C9: variants seen among roughly 807,000 people sequenced by gnomAD.
C9 encodes complement C9, also known as complement component C9.
A neutral mutation model predicts 65.4 loss-of-function variants in C9; 63 were observed. The ratio of observed to expected loss-of-function variants is 0.96; its 90% CI spans 0.79 to 1.19. The LOEUF (loss-of-function observed/expected upper bound fraction) is 1.19. C9 is among the 50% of genes most tolerant of loss of function. The probability of loss-of-function intolerance (pLI) is 0.00; values close to 1 mark genes in which losing one functional copy is unlikely to be tolerated. For missense variants in C9, 744 were observed against 670.1 expected, an observed-to-expected ratio of 1.11 and a Z score of -1.22; for synonymous variants, 229 against 227.9, an observed-to-expected ratio of 1.00 and a Z score of -0.04.
At chr5:39,345,414 A>G (rs6897266) in intron 1 of C9, among the ~76,000 whole-genome samples, 6,585 of 152,254 alleles carry the variant, frequency 0.043, 468 homozygotes, top group African/African-American at 0.15. Flanking sequence ...AAAAGATCAA[A>G]AGAGACAAAG....
intron 9 of C9, among the ~76,000 whole-genome samples, chr5:39,294,121 A>G (rs1753144772): frequency 6.6e-6 from 1 of 151,880 alleles, no homozygotes; most frequent in Admixed American, 6.6e-5. Context: ...ATTTTCAAAT[A>G]AACATCTTAA....
Position 39,341,593 on chromosome 5 carries a change from A to T in C9, c.291T>A (p.Ala97=). The stretch of plus-strand genomic sequence containing the variant: ...GAAAGTCATTTCCGCAGTCATCCTC[A>T]GCATCCTCACAGGGCTCTGTGGGCA... ...QCVPTEPCED[A]EDDCGNDFQC... The change falls in exon 3 of 11, where the codon GCT becomes GCA. Residue 97 remains alanine (A), a synonymous_variant. Coordinates refer to ENST00000263408, the MANE Select transcript of C9 (RefSeq NM_001737.5). 6.2e-7 allele frequency: 1 copy of T among 1,614,100 alleles called. No homozygotes were observed. The highest frequency in any genetic ancestry group is 8.5e-7 in the Non-Finnish European group (1 of 1,179,936).
intron 5 of C9, among the ~76,000 whole-genome samples, chr5:39,323,073 A>T (rs80331900): frequency 0.052 from 7,972 of 152,116 alleles, 255 homozygotes; most frequent in Middle Eastern, 0.082. Flanking sequence ...CCTGGAAGAG[A>T]TGGATACATT....
chr5:39,296,215 T>C (rs894406481), intron 9 of C9, among the ~76,000 whole-genome samples: 3 of 151,232 alleles, frequency 2.0e-5, no homozygotes, highest in African/African-American at 7.3e-5. Context: ...GTACAGCAAA[T>C]AAAACAATCA....
chr5:39,290,287 C>A (rs1753064650), intron 9 of C9, among the ~76,000 whole-genome samples: 1 of 151,714 alleles, frequency 6.6e-6, no homozygotes, highest in African/African-American at 2.4e-5. Context: ...ATAACATATA[C>A]AGGGAAATTT....
intron 1 of C9, among the ~76,000 whole-genome samples, chr5:39,346,721 AAG>A (rs1020041112): frequency 2.2e-4 from 33 of 152,364 alleles, no homozygotes; most frequent in African/African-American, 7.5e-4. Context: ...ACAACAAAAA[AAG>A]AGAATTTTAG....
At position 39,306,616 on chromosome 5, in the gene C9, CT is replaced by C. The variant is rs1753381793; in HGVS notation, c.1416del (p.Lys472AsnfsTer11). 1.2e-6 allele frequency: 2 copies of C among 1,610,708 alleles called. No individual in the cohort carries two copies. The highest frequency in any genetic ancestry group is 1.7e-6 in the Non-Finnish European group (2 of 1,177,034). ...INDAPVLISQ[K>X]LSPIYNLVPV... ...TGTTTGAAAATAAACACGTTTCTTA[CT>C]TTTTGACTAATGAGAACAGGAGCAT... On this transcript the variant is annotated frameshift_variant and splice_region_variant, in exon 9 of 11. Transcript: ENST00000263408. LOFTEE classifies it high-confidence loss of function.
chr5:39,355,733 T>G (rs902683913), intron 1 of C9, among the ~76,000 whole-genome samples: 3 of 152,210 alleles, frequency 2.0e-5, no homozygotes, highest in Admixed American at 6.5e-5. Context: ...AAATTTATTT[T>G]TTTGCAATTC....
At chr5:39,314,882 A>G (rs1166681530) in intron 6 of C9, among the ~76,000 whole-genome samples, 1 of 152,074 alleles carries the variant, frequency 6.6e-6, no homozygotes, top group Non-Finnish European at 1.5e-5. Context: ...TTTTGCTATT[A>G]TATGTATTAT....
At chr5:39,331,251 T>C (rs1282932280) in intron 5 of C9, among the ~76,000 whole-genome samples, 1 of 152,078 alleles carries the variant, frequency 6.6e-6, no homozygotes, top group Non-Finnish European at 1.5e-5. Context: ...TGAGTGAAAA[T>C]AGCCACTCAC....
chr5:39,351,667 G>A (rs763728805), intron 1 of C9, among the ~76,000 whole-genome samples: 35 of 152,268 alleles, frequency 2.3e-4, no homozygotes, highest in Admixed American at 5.2e-4. Flanking sequence ...AATATAGCAA[G>A]AGGACCTTTG....
At chr5:39,319,836 C>T (rs771125699) in intron 5 of C9, among the ~76,000 whole-genome samples, 7 of 152,070 alleles carry the variant, frequency 4.6e-5, no homozygotes, top group African/African-American at 7.2e-5. Context: ...CTGTAGACTC[C>T]AGTGCTAGGT....
chr5:39,340,535 C>T (rs1214265029), intron 4 of C9, among the ~76,000 whole-genome samples: 1 of 152,072 alleles, frequency 6.6e-6, no homozygotes, highest in Non-Finnish European at 1.5e-5. Context: ...TTCTAAACTC[C>T]AAGACATCCC....
chr5:39,341,922 ACAT>A (rs1192094801), intron 2 of C9, among the ~76,000 whole-genome samples, 166 bp downstream of exon 2: 4 of 152,208 alleles, frequency 2.6e-5, no homozygotes, highest in Non-Finnish European at 4.4e-5. Flanking sequence ...ATTCTGTACA[ACAT>A]AAAGATTTCC....
chr5:39,337,126 A>G (rs1009005107), intron 4 of C9, among the ~76,000 whole-genome samples: 1 of 152,214 alleles, frequency 6.6e-6, no homozygotes, highest in African/African-American at 2.4e-5. Flanking sequence ...CTGAATTGTC[A>G]TGCTTATTAA....
At chr5:39,341,087 G>C in intron 4 of C9, 59 bp downstream of exon 4, 1 of 1,557,516 alleles carries the variant, frequency 6.4e-7, no homozygotes, top group South Asian at 1.1e-5. Flanking sequence ...ATCACAATGA[G>C]AGAGATGGAG....
chr5:39,340,286 C>T (rs1484019508), intron 4 of C9, among the ~76,000 whole-genome samples: 2 of 152,094 alleles, frequency 1.3e-5, no homozygotes, highest in East Asian at 1.9e-4. Flanking sequence ...AAGCCATATA[C>T]CATCTCTTTC....
intron 1 of C9, among the ~76,000 whole-genome samples, chr5:39,345,121 C>A (rs1754165559): frequency 6.6e-6 from 1 of 152,056 alleles, no homozygotes; most frequent in Non-Finnish European, 1.5e-5. Flanking sequence ...AACTAATGAG[C>A]AAAATAACCA....
intron 4 of C9, among the ~76,000 whole-genome samples, chr5:39,336,638 T>C (rs1753971177): frequency 6.6e-6 from 1 of 152,104 alleles, no homozygotes; most frequent in Non-Finnish European, 1.5e-5. Context: ...TATTACTTCA[T>C]TCATTCATTC....
Sources: allele counts gnomAD v4.1 joint callset (sites outside exome capture counted in the v4.1 genomes callset), GRCh38; gene constraint gnomAD v4.1.1; transcripts MANE v1.5; gene names NCBI Gene and HGNC (gene_info 2026-07-23, HGNC 2026-07-21).